Variants in XRCC6 observed in about 807,000 individuals in gnomAD.
XRCC6 encodes the protein DNA repair protein Ku70.
In XRCC6, 5 loss-of-function variants were observed where a neutral mutation model predicts 65.7. The ratio of observed to expected loss-of-function variants is 0.08; its 90% CI spans 0.04 to 0.16. The LOEUF (loss-of-function observed/expected upper bound fraction) is 0.16, where lower values mean the gene tolerates loss of function less well. Among genes scored for constraint, XRCC6 ranks in the 10% least tolerant of loss-of-function variants. The pLI is 1.00. For synonymous variants in XRCC6, 270 were observed against 270.6 expected (o/e 1.00, Z 0.02); for missense variants, 447 against 738.1 (o/e 0.61, Z 4.57).
chr22:41,663,307 C>T (rs2068116224), intron 12 of XRCC6, among the ~76,000 whole-genome samples: 1 of 152,000 alleles, frequency 6.6e-6, no homozygotes, highest in South Asian at 2.1e-4. Flanking sequence ...CACTGTATTA[C>T]CAAGGCTGGT....
At chr22:41,621,932 G>A in intron 1 of XRCC6, 58 bp from the exon 2 acceptor site, 1 of 1,518,474 alleles carries the variant, frequency 6.6e-7, no homozygotes, top group Non-Finnish European at 9.1e-7. Flanking sequence ...AGAACCTAGA[G>A]GTCGGTATTT....
intron 2 of XRCC6, among the ~76,000 whole-genome samples, chr22:41,626,942 A>T (rs1326026246): frequency 3.3e-5 from 5 of 151,960 alleles, no homozygotes; most frequent in Non-Finnish European, 5.9e-5. Flanking sequence ...GCCCAGCCTA[A>T]TGTTTGTATT....
At chr22:41,636,411 A>T (rs908118062) in intron 4 of XRCC6, 105 bp from the exon 5 acceptor site, 2 of 1,516,520 alleles carry the variant, frequency 1.3e-6, no homozygotes, top group African/African-American at 1.4e-5. Flanking sequence ...AAATGGGTTA[A>T]ACAGCTCTGG....
chr22:41,640,874 T>G (rs146975466), intron 6 of XRCC6, among the ~76,000 whole-genome samples: 1 of 152,262 alleles, frequency 6.6e-6, no homozygotes, highest in Non-Finnish European at 1.5e-5. Context: ...GTTGTCAGAT[T>G]GTTTGGATTC....
intron 3 of XRCC6, among the ~76,000 whole-genome samples, chr22:41,632,125 A>AGGGAGAGGGAGACTGTG (rs1569082874): frequency 4.1e-5 from 6 of 148,024 alleles, no homozygotes; most frequent in African/African-American, 1.3e-4. Context: ...GTGGAAAGAG[A>AGGGAGAGGGAGACTGTG]GGGAGAGGGA....
chr22:41,627,866 C>T (rs962221109), intron 2 of XRCC6, among the ~76,000 whole-genome samples: 1 of 151,690 alleles, frequency 6.6e-6, no homozygotes, highest in Non-Finnish European at 1.5e-5. Flanking sequence ...GGGAGTGTGA[C>T]CCTATCTCAG....
chr22:41,658,416 C>A, intron 11 of XRCC6, 64 bp downstream of exon 11: 1 of 1,491,928 alleles, frequency 6.7e-7, no homozygotes, highest in Non-Finnish European at 9.3e-7. Flanking sequence ...CACTCTGCAC[C>A]AGTAATTTGG....
At chr22:41,624,011 CTG>C (rs1415040029) in intron 2 of XRCC6, among the ~76,000 whole-genome samples, 2 of 152,206 alleles carry the variant, frequency 1.3e-5, no homozygotes, top group African/African-American at 4.8e-5. Context: ...GTGTGAGCCA[CTG>C]TGCGTGGCCT....
At chr22:41,661,852 A>G (rs982324219) in intron 12 of XRCC6, among the ~76,000 whole-genome samples, 6 of 152,236 alleles carry the variant, frequency 3.9e-5, no homozygotes, top group African/African-American at 9.7e-5. Context: ...GTGTCCATCA[A>G]CAGATGCCTG....
At chr22:41,641,454 T>C (rs1402942205) in intron 6 of XRCC6, among the ~76,000 whole-genome samples, 1 of 152,228 alleles carries the variant, frequency 6.6e-6, no homozygotes, top group African/African-American at 2.4e-5. Flanking sequence ...TAATCCTTTG[T>C]ATTATAAGCA....
intron 6 of XRCC6, among the ~76,000 whole-genome samples, chr22:41,639,329 C>CTTTTTTTTGTT (rs2067847468): frequency 1.5e-5 from 1 of 64,560 alleles, no homozygotes; most frequent in South Asian, 7.0e-4. Flanking sequence ...GATTCTTTTT[C>CTTTTTTTTGTT]TTTTTTTTTT....
chr22:41,649,137 AAAATAT>A (rs1244210600), intron 7 of XRCC6, among the ~76,000 whole-genome samples: 17 of 92,890 alleles, frequency 1.8e-4, no homozygotes, highest in Admixed American at 1.1e-3. Flanking sequence ...AAAAAAAAAA[AAAATAT>A]ATATATATAT....
chr22:41,647,541 A>T (rs1449559111), intron 7 of XRCC6, among the ~76,000 whole-genome samples: 1 of 146,756 alleles, frequency 6.8e-6, no homozygotes, highest in Non-Finnish European at 1.5e-5. Context: ...AGATCACGCC[A>T]TTGCGCTCCA....
chr22:41,659,540 A>C (rs2068080781), intron 11 of XRCC6, among the ~76,000 whole-genome samples: 1 of 151,882 alleles, frequency 6.6e-6, no homozygotes, highest in African/African-American at 2.4e-5. Context: ...GGGTTTCACC[A>C]TGTTGGCCAG....
chr22:41,652,782 T>C (rs1300392654), intron 8 of XRCC6, among the ~76,000 whole-genome samples: 1 of 152,196 alleles, frequency 6.6e-6, no homozygotes, highest in Non-Finnish European at 1.5e-5. Flanking sequence ...CAAGCGATTC[T>C]TCTGCCTCAG....
intron 12 of XRCC6, among the ~76,000 whole-genome samples, chr22:41,662,504 G>A (rs2068108896): frequency 6.6e-6 from 1 of 152,162 alleles, no homozygotes; most frequent in African/African-American, 2.4e-5. Flanking sequence ...ATGTTGGACA[G>A]TTATTTATAT....
chr22:41,645,794 C>T (rs2067925853), intron 6 of XRCC6, among the ~76,000 whole-genome samples: 1 of 150,520 alleles, frequency 6.6e-6, no homozygotes, highest in Admixed American at 6.7e-5. Flanking sequence ...CTCCCTGGTT[C>T]AAGCGATTCT....
chr22:41,650,662 C>G, intron 7 of XRCC6, 61 bp from the exon 8 acceptor site: 1 of 1,555,500 alleles, frequency 6.4e-7, no homozygotes, highest in Admixed American at 1.7e-5. Context: ...TCATCATCTT[C>G]GAGTTATTTT....
At chr22:41,657,966 G>A (rs2068060859) in intron 10 of XRCC6, among the ~76,000 whole-genome samples, 1 of 152,074 alleles carries the variant, frequency 6.6e-6, no homozygotes, top group African/African-American at 2.4e-5. Flanking sequence ...TGGGACCACA[G>A]GCGTGCACCA....
Sources: allele counts gnomAD v4.1 joint callset (sites outside exome capture counted in the v4.1 genomes callset), GRCh38; gene constraint gnomAD v4.1.1; transcripts MANE v1.5; gene names NCBI Gene and HGNC (gene_info 2026-07-23, HGNC 2026-07-21).